OR51B5: variants seen among roughly 807,000 people sequenced by gnomAD.
OR51B5 encodes the protein olfactory receptor 51B5.
For missense variants in OR51B5, 456 were observed against 374.6 expected, an observed-to-expected ratio of 1.22 and a Z score of -1.79; for synonymous variants, 186 against 144.8, an observed-to-expected ratio of 1.28 and a Z score of -2.04.
upstream of OR51B5, among the ~76,000 whole-genome samples, chr11:5,347,634 A>G (rs1259174979): frequency 6.6e-6 from 1 of 152,190 alleles, no homozygotes; most frequent in Non-Finnish European, 1.5e-5. Flanking sequence ...TGTAGACAAA[A>G]TATTCAACCT....
upstream of OR51B5, among the ~76,000 whole-genome samples, chr11:5,347,417 C>A (rs1480916012): frequency 6.6e-6 from 1 of 152,168 alleles, no homozygotes; most frequent in African/African-American, 2.4e-5. Flanking sequence ...CTGCAGTTAT[C>A]ACTAACTATT....
chr11:5,453,435 A>G (rs560595035), intron 1 of OR51B5: 2 of 1,339,790 alleles, frequency 1.5e-6, no homozygotes, highest in Admixed American at 2.5e-5. Flanking sequence ...CAACTGTTAG[A>G]ATTCTCCAAG....
chr11:5,468,316 G>A (rs1391907428), intron 1 of OR51B5, among the ~76,000 whole-genome samples: 1 of 152,198 alleles, frequency 6.6e-6, no homozygotes, highest in Non-Finnish European at 1.5e-5. Flanking sequence ...GCAGCCTGAT[G>A]TTTTGCGTTA....
chr11:5,423,435 T>G (rs1406732907), intron 1 of OR51B5, among the ~76,000 whole-genome samples: 1 of 152,190 alleles, frequency 6.6e-6, no homozygotes, highest in East Asian at 1.9e-4. Context: ...AAGCTTGTCT[T>G]TCTTTCTGGA....
At chr11:5,361,371 T>C (rs1849281719) in intron 1 of OR51B5, among the ~76,000 whole-genome samples, 1 of 152,164 alleles carries the variant, frequency 6.6e-6, no homozygotes, top group Admixed American at 6.5e-5. Context: ...GGGAGGAGTT[T>C]CTGAAACTAA....
At chr11:5,342,417 T>C (rs752277566), downstream of OR51B5, 4 of 343,944 alleles carry the variant, frequency 1.2e-5, no homozygotes, top group Non-Finnish European at 1.6e-5. Context: ...AAACTACATT[T>C]AGCTAAAGAG....
chr11:5,485,398 C>G (rs1224766544), intron 1 of OR51B5, among the ~76,000 whole-genome samples: 1 of 152,194 alleles, frequency 6.6e-6, no homozygotes, highest in Non-Finnish European at 1.5e-5. Flanking sequence ...TTAATTGTTT[C>G]TCCAGCTATT....
At chr11:5,430,412 C>T (rs1850516477) in intron 1 of OR51B5, among the ~76,000 whole-genome samples, 1 of 152,054 alleles carries the variant, frequency 6.6e-6, no homozygotes, top group South Asian at 2.1e-4. Flanking sequence ...CCAAAGTCAC[C>T]ATATCTGGTT....
At chr11:5,468,545 T>C in intron 1 of OR51B5, 1 of 396,182 alleles carries the variant, frequency 2.5e-6, no homozygotes, top group South Asian at 1.9e-5. Context: ...TTAGTCTTGA[T>C]GGAATAGATA....
At chr11:5,467,186 T>C (rs1020654581) in intron 1 of OR51B5, among the ~76,000 whole-genome samples, 8 of 152,170 alleles carry the variant, frequency 5.3e-5, no homozygotes, top group Non-Finnish European at 7.3e-5. Context: ...AGATTTTTGC[T>C]TAGTATACAG....
intron 1 of OR51B5, among the ~76,000 whole-genome samples, chr11:5,382,683 A>C (rs2133719982): frequency 6.6e-6 from 1 of 152,248 alleles, no homozygotes; most frequent in South Asian, 2.1e-4. Flanking sequence ...CGAAGCCAGA[A>C]CCTTCCTCAT....
intron 1 of OR51B5, among the ~76,000 whole-genome samples, chr11:5,436,860 A>G (rs1050871629): frequency 6.6e-6 from 1 of 151,228 alleles, no homozygotes; most frequent in Admixed American, 6.6e-5. Context: ...ACCTTGAGGG[A>G]GCTTTGTGAA....
At chr11:5,377,677 A>G (rs1476345504) in intron 1 of OR51B5, among the ~76,000 whole-genome samples, 4 of 152,162 alleles carry the variant, frequency 2.6e-5, no homozygotes, top group Non-Finnish European at 5.9e-5. Flanking sequence ...ACAGACAAAC[A>G]GAGAGCCAAA....
rs1590007822 is a variant in OR51B5, at chr11:5,457,510, A to G, written n.84+48059T>C. ...ATATAGTAATAGGATTTTGGGGTCA[A>G]TGGGTAGCTCTAAGTTATGTGAGAA... is the stretch of plus-strand genomic sequence containing the variant. On this transcript the variant is annotated intron_variant and non_coding_transcript_variant, in intron 1 of 4. Transcript: ENST00000415970. Among the ~76,000 whole-genome samples the G allele has an allele frequency of 2.0e-5, 3 of 152,162 alleles. No homozygotes were observed. In the South Asian group the frequency reaches 6.2e-4, roughly 32 times the overall value.
At chr11:5,439,802 T>C (rs868550651) in intron 1 of OR51B5, among the ~76,000 whole-genome samples, 1 of 152,138 alleles carries the variant, frequency 6.6e-6, no homozygotes, top group African/African-American at 2.4e-5. Flanking sequence ...AAGAGAAACA[T>C]TGTCCTTCTC....
At chr11:5,360,190 C>G (rs1321262219) in intron 1 of OR51B5, among the ~76,000 whole-genome samples, 1 of 128,058 alleles carries the variant, frequency 7.8e-6, no homozygotes, top group Non-Finnish European at 1.8e-5. Context: ...AAGAAACTAC[C>G]ATCAGAGTGA....
chr11:5,397,820 G>C (rs1318857733), intron 1 of OR51B5, among the ~76,000 whole-genome samples: 3 of 151,194 alleles, frequency 2.0e-5, no homozygotes, highest in African/African-American at 7.3e-5. Flanking sequence ...AACAATGATA[G>C]ACTGGATTAA....
At chr11:5,353,135 C>A (rs1589948703) in intron 1 of OR51B5, among the ~76,000 whole-genome samples, 1 of 152,008 alleles carries the variant, frequency 6.6e-6, no homozygotes, top group East Asian at 1.9e-4. Context: ...TGAGAGTAAG[C>A]CATTTCCCTC....
intron 1 of OR51B5, among the ~76,000 whole-genome samples, chr11:5,436,979 T>C (rs1220565646): frequency 6.6e-6 from 1 of 152,126 alleles, no homozygotes; most frequent in African/African-American, 2.4e-5. Flanking sequence ...TCTGCGGAAT[T>C]GTTCCCAGAT....
Sources: allele counts gnomAD v4.1 joint callset (sites outside exome capture counted in the v4.1 genomes callset), GRCh38; gene constraint gnomAD v4.1.1; transcripts MANE v1.5; gene names NCBI Gene and HGNC (gene_info 2026-07-23, HGNC 2026-07-21).